The following DPP6 variants were observed in gnomAD, a reference collection of about 807,000 sequenced individuals.
DPP6 encodes the protein dipeptidyl peptidase like 6.
Under a neutral mutation model 122.6 loss-of-function variants are expected in DPP6, and 69 were observed. The ratio of observed to expected loss-of-function variants is 0.56; its 90% CI spans 0.46 to 0.69. The LOEUF (loss-of-function observed/expected upper bound fraction) is 0.69, where lower values mean the gene tolerates loss of function less well. DPP6 is among the 30% of genes least tolerant of loss of function. DPP6 has a pLI of 0.00. For missense variants in DPP6, 928 were observed against 1,116.9 expected, an observed-to-expected ratio of 0.83 and a Z score of 2.41; for synonymous variants, 418 against 433.1, an observed-to-expected ratio of 0.97 and a Z score of 0.43.
intron 1 of DPP6, among the ~76,000 whole-genome samples, chr7:154,016,646 A>G (rs77327903): frequency 2.6e-5 from 4 of 152,136 alleles, no homozygotes; most frequent in African/African-American, 9.7e-5. Flanking sequence ...TATATCTTCA[A>G]CATACTGATT....
intron 1 of DPP6, among the ~76,000 whole-genome samples, chr7:154,333,526 T>C (rs1809136709): frequency 6.6e-6 from 1 of 152,256 alleles, no homozygotes; most frequent in Admixed American, 6.5e-5. Context: ...AAAGCATTGA[T>C]TTCTCTCTCT....
chr7:154,608,574 T>A (rs1182285055), intron 5 of DPP6, among the ~76,000 whole-genome samples: 4 of 149,782 alleles, frequency 2.7e-5, no homozygotes, highest in Non-Finnish European at 5.9e-5. Context: ...TGACCTCAAG[T>A]GATCCGCCTG....
chr7:154,530,137 AAAAG>A (rs944213982), intron 3 of DPP6, among the ~76,000 whole-genome samples: 4 of 152,118 alleles, frequency 2.6e-5, no homozygotes, highest in East Asian at 1.9e-4. Flanking sequence ...AAGAAAAAAA[AAAAG>A]AAAAAGAAAA....
intron 4 of DPP6, among the ~76,000 whole-genome samples, chr7:154,553,104 G>A (rs1351916109): frequency 6.6e-6 from 1 of 152,190 alleles, no homozygotes; most frequent in South Asian, 2.1e-4. Context: ...AATAAGAAAG[G>A]GGTTTGTAGA....
intron 1 of DPP6, among the ~76,000 whole-genome samples, chr7:154,386,689 A>G (rs1814140849): frequency 6.6e-6 from 1 of 152,202 alleles, no homozygotes; most frequent in African/African-American, 2.4e-5. Context: ...TTTCATATGT[A>G]AAAGTTAGGT....
the DPP6 span, among the ~76,000 whole-genome samples, chr7:153,851,484 T>G: frequency 6.6e-6 from 1 of 152,318 alleles, no homozygotes; most frequent in South Asian, 2.1e-4. Flanking sequence ...ATGTCTAACC[T>G]ACTCCATATG....
intron 1 of DPP6, among the ~76,000 whole-genome samples, chr7:154,018,320 G>C (rs1798530024): frequency 6.6e-6 from 1 of 151,970 alleles, no homozygotes; most frequent in South Asian, 2.1e-4. Context: ...TCAATAAGGG[G>C]GTGAAAAATG....
intron 1 of DPP6, among the ~76,000 whole-genome samples, chr7:153,963,314 G>T (rs1327911945): frequency 6.6e-6 from 1 of 151,214 alleles, no homozygotes; most frequent in African/African-American, 2.4e-5. Flanking sequence ...CACTATGGGG[G>T]CTTTAGTGTA....
chr7:154,757,717 T>C (rs1795226827), intron 8 of DPP6, among the ~76,000 whole-genome samples: 4 of 152,172 alleles, frequency 2.6e-5, no homozygotes, highest in Admixed American at 2.6e-4. Flanking sequence ...GGCATAGTCG[T>C]GGTGAGCGCA....
At chr7:154,221,270 A>C (rs113708139) in intron 1 of DPP6, among the ~76,000 whole-genome samples, 4,790 of 152,210 alleles carry the variant, frequency 0.031, 238 homozygotes, top group African/African-American at 0.11. Flanking sequence ...CCTCCCAAGT[A>C]GATGGAACTA....
chr7:154,682,722 C>T (rs1216479761), intron 7 of DPP6, among the ~76,000 whole-genome samples: 1 of 152,188 alleles, frequency 6.6e-6, no homozygotes, highest in African/African-American at 2.4e-5. Context: ...ATTTTGTTAG[C>T]CCTGATTGAT....
intron 6 of DPP6, among the ~76,000 whole-genome samples, chr7:154,648,055 A>G (rs1836610147): frequency 6.6e-6 from 1 of 151,288 alleles, no homozygotes; most frequent in East Asian, 2.0e-4. Context: ...GTTCGAGACC[A>G]GCCTGACCAA....
chr7:154,687,068 C>T (rs548387619), intron 7 of DPP6, among the ~76,000 whole-genome samples: 2 of 97,380 alleles, frequency 2.1e-5, no homozygotes, highest in South Asian at 9.3e-4. Context: ...AGTATCTATA[C>T]TCATGTGACT....
chr7:154,107,805 G>T (rs947706208), intron 1 of DPP6, among the ~76,000 whole-genome samples: 15 of 152,254 alleles, frequency 9.9e-5, no homozygotes, highest in Admixed American at 2.6e-4. Flanking sequence ...CTGGTGAGGG[G>T]TTGCTCCCTA....
At chr7:154,467,361 G>A (rs1022467583) in intron 2 of DPP6, among the ~76,000 whole-genome samples, 5 of 152,176 alleles carry the variant, frequency 3.3e-5, no homozygotes, top group Non-Finnish European at 5.9e-5. Context: ...GGAGGTGATT[G>A]GATCATGGGG....
chr7:154,485,694 CGGAAGCAA>C (rs1457296912), intron 3 of DPP6, among the ~76,000 whole-genome samples: 1 of 152,156 alleles, frequency 6.6e-6, no homozygotes, highest in Admixed American at 6.5e-5. Context: ...CCAGCAGCAG[CGGAAGCAA>C]TAATTGCAAC....
At position 154,853,834 on chromosome 7, in the gene DPP6, G is replaced by T; in HGVS notation, c.1714+7G>T. On this transcript the variant is annotated splice_region_variant and intron_variant, in intron 17 of 25. Coordinates refer to ENST00000377770, the MANE Select transcript of DPP6 (RefSeq NM_130797.4). Reference sequence around the variant, plus strand: ...AACACAACAGATAAGAAAAGTAAGTGCTCTTTTTTTTCCTTAAATCTTCCT... The same window carrying T: ...AACACAACAGATAAGAAAAGTAAGTTCTCTTTTTTTTCCTTAAATCTTCCT... The T allele has an allele frequency of 6.2e-7, 1 of 1,613,544 alleles. No individual in the cohort carries two copies. The highest frequency in any genetic ancestry group is 1.7e-4 in the Middle Eastern group (1 of 6,060).
At chr7:154,147,492 T>TCC (rs1393387871) in intron 1 of DPP6, among the ~76,000 whole-genome samples, 119 of 146,104 alleles carry the variant, frequency 8.1e-4, no homozygotes, top group African/African-American at 2.9e-3. Context: ...CTTCCTTCCT[T>TCC]TCTTTTTCTG....
At chr7:154,864,951 C>T (rs1803727514) in intron 17 of DPP6, among the ~76,000 whole-genome samples, 1 of 152,182 alleles carries the variant, frequency 6.6e-6, no homozygotes, top group East Asian at 1.9e-4. Flanking sequence ...GAACATTGCT[C>T]CCTGAGTTTA....
Sources: gnomAD v4.1 joint callset for allele counts (sites outside exome capture counted in the v4.1 genomes callset) on GRCh38, gnomAD v4.1.1 for gene constraint, MANE v1.5 for transcripts, NCBI Gene and HGNC (gene_info 2026-07-23, HGNC 2026-07-21) for gene names.